STEAP4: variants seen among roughly 807,000 people sequenced by gnomAD.
The protein encoded by STEAP4 is STEAP4 metalloreductase.
A neutral mutation model predicts 43.6 loss-of-function variants in STEAP4; 36 were observed. The ratio of observed to expected loss-of-function variants is 0.83; its 90% CI spans 0.63 to 1.09. STEAP4 has a LOEUF of 1.09. Among genes scored for constraint, STEAP4 ranks in the 50% least tolerant of loss-of-function variants. The pLI, the probability that STEAP4 is intolerant of heterozygous loss-of-function variation, is 0.00. For missense variants in STEAP4, 495 were observed against 546.5 expected (o/e 0.91, Z 0.94); for synonymous variants, 191 against 196.7 (o/e 0.97, Z 0.24).
Position 88,283,130 on chromosome 7 carries a change from T to C in STEAP4, c.495A>G (p.Arg165=). 6.3e-7 allele frequency: 1 copy of C among 1,575,366 alleles called. No homozygotes were observed. The highest frequency in any genetic ancestry group is 8.6e-7 in the Non-Finnish European group (1 of 1,163,042). Residue 165 remains arginine, a synonymous_variant, in exon 3 of 5, where the codon AGA becomes AGG. Transcript: ENST00000380079. ...VCGNDSKAKQ[R]VMDIVRNLGL... ...CAAGATTACGAACAATATCCATCAC[T>C]CTTTGCTTGGCTTTGCTGTCATTTC...
At chr7:88,299,599 A>G (rs60191972) in intron 1 of STEAP4, among the ~76,000 whole-genome samples, 279 of 152,358 alleles carry the variant, frequency 1.8e-3, no homozygotes, top group African/African-American at 6.5e-3. Flanking sequence ...GATGATCTGC[A>G]TCAACTCCCC....
chr7:88,279,580 C>T lies in STEAP4; in HGVS notation c.1198G>A (p.Val400Met), dbSNP rs1386830347. The T allele has an allele frequency of 6.2e-7, 1 of 1,613,954 alleles. No homozygotes were observed. The highest frequency in any genetic ancestry group is 1.1e-5 in the South Asian group (1 of 91,078). The change falls in exon 5 of 5, where the codon GTG becomes ATG. Residue 400 changes from valine (V) to methionine (M), a missense_variant. Val to Met is a conservative substitution (Grantham distance 21). Transcript: ENST00000380079. ...CTGAGGAATCTCTTCCCACCGTACACCAGGGTGTGGGCTGTACACAAGATC... is the reference window on the plus strand; with the variant it reads ...CTGAGGAATCTCTTCCCACCGTACATCAGGGTGTGGGCTGTACACAAGATC... Reference protein sequence around the residue: ...TLILCTAHTLVYGGKRFLSPS... With the variant: ...TLILCTAHTLMYGGKRFLSPS...
chr7:88,293,974 A>C (rs887301060), intron 1 of STEAP4, among the ~76,000 whole-genome samples: 11 of 152,184 alleles, frequency 7.2e-5, no homozygotes, highest in African/African-American at 2.4e-4. Flanking sequence ...TAAAAAATGT[A>C]CTTTAAATGC....
intron 1 of STEAP4, chr7:88,290,521 A>G (rs1305819259): frequency 2.0e-5 from 3 of 152,184 alleles, no homozygotes; most frequent in Admixed American, 6.5e-5. Flanking sequence ...TCAGAGGCAA[A>G]ACTCCGTATC....
chr7:88,287,633 G>A (rs553118995), intron 1 of STEAP4, among the ~76,000 whole-genome samples: 12 of 152,280 alleles, frequency 7.9e-5, no homozygotes, highest in African/African-American at 2.4e-4. Flanking sequence ...AGAGGGGATC[G>A]CAGAAGTGGT....
At chr7:88,280,030 C>G (rs1020908094) in intron 4 of STEAP4, among the ~76,000 whole-genome samples, 5 of 152,156 alleles carry the variant, frequency 3.3e-5, no homozygotes, top group Admixed American at 6.5e-5. Flanking sequence ...ATGTTACTGA[C>G]TAAAACCAGA....
chr7:88,279,467 T>C lies in STEAP4; in HGVS notation c.1311A>G (p.Leu437=), dbSNP rs376147879. 2.5e-6 allele frequency: 4 copies of C among 1,614,006 alleles called. No homozygotes were observed. The African/African-American group carries it at 5.3e-5, about 22-fold the overall frequency. The change falls in exon 5 of 5, where the codon CTA becomes CTG. Residue 437 remains leucine (L), a synonymous_variant. Coordinates refer to ENST00000380079, the MANE Select transcript of STEAP4 (RefSeq NM_024636.4). ...GGGTGTTGTCTACACATGGCATGAT[T>C]AGGACAAACTTGATCACCAGCACAG... is the stretch of plus-strand genomic sequence containing the variant. ...PCTVLVIKFV[L]IMPCVDNTLT...
At chr7:88,288,242 C>T (rs1852769205) in intron 1 of STEAP4, among the ~76,000 whole-genome samples, 1 of 152,190 alleles carries the variant, frequency 6.6e-6, no homozygotes, top group African/African-American at 2.4e-5. Context: ...GTGATCTTGG[C>T]TCACTGCAAC....
intron 1 of STEAP4, among the ~76,000 whole-genome samples, chr7:88,295,911 AT>A (rs1160891682): frequency 6.6e-6 from 1 of 152,018 alleles, no homozygotes; most frequent in Non-Finnish European, 1.5e-5. Context: ...CTTCCTTACA[AT>A]TTTTTCCTCT....
chr7:88,291,783 G>A (rs1285437959), intron 1 of STEAP4, among the ~76,000 whole-genome samples: 2 of 152,146 alleles, frequency 1.3e-5, no homozygotes, highest in Non-Finnish European at 2.9e-5. Flanking sequence ...AGGGAAACGT[G>A]GGTTAAAATA....
Position 88,290,104 on chromosome 7 carries a change from T to A in STEAP4, c.-2-5833A>T, listed in dbSNP as rs564950720. 1.2e-4 allele frequency among the ~76,000 whole-genome samples: 18 copies of A among 152,348 alleles called. No individual in the cohort carries two copies. The South Asian group carries it at 3.3e-3, about 28-fold the overall frequency. ...TGTAGATTTGATGCAGTTGCCAGTA[T>A]CCTGTAATGAGATGGATTTTGTTAA... On this transcript the variant is annotated intron_variant, in intron 1 of 4. Coordinates refer to ENST00000380079, the MANE Select transcript of STEAP4 (RefSeq NM_024636.4).
intron 1 of STEAP4, among the ~76,000 whole-genome samples, chr7:88,301,884 C>G (rs981909011): frequency 1.3e-5 from 2 of 152,152 alleles, no homozygotes; most frequent in Non-Finnish European, 2.9e-5. Context: ...CCCCATATCA[C>G]TCTTTAAAAC....
intron 1 of STEAP4, among the ~76,000 whole-genome samples, chr7:88,293,657 A>G (rs1852877739): frequency 6.6e-6 from 1 of 152,164 alleles, no homozygotes. Context: ...ACCTATGAAT[A>G]CATAACTACT....
At position 88,279,883 on chromosome 7, in the gene STEAP4, A is replaced by T. The variant is rs534746037; in HGVS notation, c.1150-255T>A. Among the ~76,000 whole-genome samples the T allele has an allele frequency of 2.0e-5, 3 of 151,866 alleles. No individual in the cohort carries two copies. The South Asian group carries it at 6.2e-4, about 32-fold the overall frequency. Reference sequence around the variant, plus strand: ...TAGCTGGATGGAAAAGTTTCCCAGGAGTAAACTCTTCCAAGTTAGAATAAA... The same window carrying T: ...TAGCTGGATGGAAAAGTTTCCCAGGTGTAAACTCTTCCAAGTTAGAATAAA... On this transcript the variant is annotated intron_variant, in intron 4 of 4. Transcript: ENST00000380079.
At position 88,291,210 on chromosome 7, in the gene STEAP4, T is replaced by C. The variant is rs1233033471; in HGVS notation, c.-2-6939A>G. Among the ~76,000 whole-genome samples the C allele has an allele frequency of 2.6e-5, 4 of 152,026 alleles. No individual in the cohort carries two copies. In the East Asian group the frequency reaches 7.7e-4, roughly 29 times the overall value. ...CAACGATTCTTAAGAATCTCCTACT[T>C]GTCCCACTTATTTCTTATAAATAAA... is the stretch of plus-strand genomic sequence containing the variant. On this transcript the variant is annotated intron_variant, in intron 1 of 4. Coordinates refer to ENST00000380079, the MANE Select transcript of STEAP4 (RefSeq NM_024636.4).
chr7:88,301,003 C>G (rs533019985), intron 1 of STEAP4, among the ~76,000 whole-genome samples: 1 of 152,234 alleles, frequency 6.6e-6, no homozygotes, highest in African/African-American at 2.4e-5. Context: ...TCTTGGTTCC[C>G]TAAGGGAGAT....
At chr7:88,290,507 G>A (rs1852817772) in intron 1 of STEAP4, 1 of 152,080 alleles carries the variant, frequency 6.6e-6, no homozygotes, top group Non-Finnish European at 1.5e-5. Context: ...CATCAACTAG[G>A]CCATCAGAGG....
chr7:88,284,810 TA>T (rs1192107562), intron 1 of STEAP4, among the ~76,000 whole-genome samples: 1 of 152,140 alleles, frequency 6.6e-6, no homozygotes, highest in African/African-American at 2.4e-5. Context: ...CTGTGTATGT[TA>T]AAAGGACATC....
intron 1 of STEAP4, among the ~76,000 whole-genome samples, chr7:88,303,636 A>G (rs1225889742): frequency 6.6e-6 from 1 of 152,230 alleles, no homozygotes; most frequent in Non-Finnish European, 1.5e-5. Flanking sequence ...TGGGATGTCA[A>G]TGTCCTGCCT....
Sources: allele counts gnomAD v4.1 joint callset (sites outside exome capture counted in the v4.1 genomes callset), GRCh38; gene constraint gnomAD v4.1.1; transcripts MANE v1.5; gene names NCBI Gene and HGNC (gene_info 2026-07-23, HGNC 2026-07-21).